Variants in FREM1 observed in about 807,000 individuals in gnomAD.
FREM1 encodes FRAS1 related extracellular matrix 1, also known as FRAS1-related extracellular matrix protein 1.
Under a neutral mutation model 210.1 loss-of-function variants are expected in FREM1, and 220 were observed. That is an observed-to-expected ratio of 1.05 (90% CI 0.94 to 1.17). FREM1 has a LOEUF of 1.17. FREM1 is among the 50% of genes most tolerant of loss of function. The pLI is 0.00. For missense variants in FREM1, 3,454 were observed against 2,675.5 expected (o/e 1.29, Z -6.42); for synonymous variants, 1,189 against 980.2 (o/e 1.21, Z -3.98).
chr9:14,768,434 C>T (rs1483302036), intron 27 of FREM1, among the ~76,000 whole-genome samples: 4 of 150,974 alleles, frequency 2.6e-5, no homozygotes, highest in African/African-American at 9.8e-5. Context: ...TTGTCTTAGG[C>T]AAAGACAGTT....
intron 3 of FREM1, among the ~76,000 whole-genome samples, chr9:14,860,762 C>CACATATAT (rs1829859997): frequency 2.4e-5 from 2 of 83,084 alleles, no homozygotes; most frequent in African/African-American, 1.2e-4. Flanking sequence ...CATATATATG[C>CACATATAT]ACATATATAC....
At chr9:14,772,786 G>A (rs1847820349) in intron 25 of FREM1, among the ~76,000 whole-genome samples, 1 of 152,182 alleles carries the variant, frequency 6.6e-6, no homozygotes, top group South Asian at 2.1e-4. Context: ...AGTGGAAGAA[G>A]AGGAAAATTA....
intron 8 of FREM1, 147 bp downstream of exon 8, chr9:14,845,813 T>C: frequency 1.3e-6 from 1 of 784,866 alleles, no homozygotes; most frequent in Non-Finnish European, 2.1e-6. Flanking sequence ...CAAAAGTCAA[T>C]GATTTCAAGA....
chr9:14,821,607 A>G (rs1175654209), intron 13 of FREM1, among the ~76,000 whole-genome samples: 1 of 152,226 alleles, frequency 6.6e-6, no homozygotes, highest in African/African-American at 2.4e-5. Context: ...GGTCCCTGAT[A>G]GGAAAGGTGT....
At chr9:14,848,827 T>C (rs1827151386) in intron 6 of FREM1, 54 bp from the exon 7 acceptor site, 2 of 1,100,344 alleles carry the variant, frequency 1.8e-6, no homozygotes, top group African/African-American at 1.5e-5. Flanking sequence ...CAGGGTAAAG[T>C]AGCATTAATT....
intron 1 of FREM1, among the ~76,000 whole-genome samples, chr9:14,870,628 A>G (rs1341328632): frequency 2.0e-5 from 3 of 151,966 alleles, no homozygotes; most frequent in Non-Finnish European, 2.9e-5. Context: ...TATCAATTTA[A>G]TATGGTTTCT....
chr9:14,909,652 G>A (rs902085476), intron 1 of FREM1, among the ~76,000 whole-genome samples: 3 of 152,218 alleles, frequency 2.0e-5, no homozygotes, highest in African/African-American at 7.2e-5. Context: ...TCATTGGCAA[G>A]TGCCAGCACG....
rs547695633 is a variant in FREM1, at chr9:14,796,114, T to G, written c.3839+1384A>C. 3.3e-5 allele frequency among the ~76,000 whole-genome samples: 5 copies of G among 152,330 alleles called. No individual in the cohort carries two copies. In the South Asian group the frequency reaches 1.0e-3, roughly 32 times the overall value. On this transcript the variant is annotated intron_variant, in intron 21 of 36. Transcript: ENST00000380880. ...AATCTATCATCAGTATTTCCCATAATGCTTTTTAAGAACCTTATCAGTGGC... is the reference window on the plus strand; with the variant it reads ...AATCTATCATCAGTATTTCCCATAAGGCTTTTTAAGAACCTTATCAGTGGC...
chr9:14,824,694 G>A, intron 11 of FREM1, 102 bp downstream of exon 11: 3 of 771,012 alleles, frequency 3.9e-6, no homozygotes, highest in Non-Finnish European at 6.3e-6. Context: ...GACCAATGGA[G>A]CAAGTAAACC....
At chr9:14,757,104 T>C (rs747728398) in intron 28 of FREM1, among the ~76,000 whole-genome samples, 4 of 152,112 alleles carry the variant, frequency 2.6e-5, no homozygotes, top group African/African-American at 9.7e-5. Context: ...GGTAGGTGTT[T>C]TAAAACAACA....
intron 10 of FREM1, among the ~76,000 whole-genome samples, chr9:14,839,395 G>T (rs573614556): frequency 6.6e-6 from 1 of 152,238 alleles, no homozygotes; most frequent in Admixed American, 6.5e-5. Flanking sequence ...AAAGATGTCA[G>T]ATAGAGAGGT....
chr9:14,746,098 CTCAG>C (rs576323270), intron 35 of FREM1, among the ~76,000 whole-genome samples: 163 of 152,174 alleles, frequency 1.1e-3, no homozygotes, highest in Non-Finnish European at 1.7e-3. Context: ...CAGAAAAGAG[CTCAG>C]TCAAATATTA....
intron 30 of FREM1, 49 bp from the exon 31 acceptor site, chr9:14,748,688 A>G: frequency 8.3e-7 from 1 of 1,197,698 alleles, no homozygotes; most frequent in Non-Finnish European, 1.2e-6. Flanking sequence ...ACACAAACAG[A>G]TAAGGTATCA....
intron 1 of FREM1, among the ~76,000 whole-genome samples, chr9:14,870,816 C>A (rs1221501044): frequency 1.2e-4 from 16 of 134,856 alleles, no homozygotes; most frequent in African/African-American, 4.1e-4. Context: ...CCCCCGACCC[C>A]ACAACAGTCC....
At chr9:14,840,635 C>G (rs143722610) in intron 10 of FREM1, among the ~76,000 whole-genome samples, 2 of 152,184 alleles carry the variant, frequency 1.3e-5, no homozygotes, top group Non-Finnish European at 2.9e-5. Context: ...TCCCATGACA[C>G]GTGGGAATTG....
At position 14,801,751 on chromosome 9, in the gene FREM1, T is replaced by G. The variant is rs779230208; in HGVS notation, c.3595A>C (p.Arg1199=). 13 of 1,613,920 alleles carry G rather than the reference T, an allele frequency of 8.1e-6. No individual in the cohort carries two copies. The highest frequency in any genetic ancestry group is 9.3e-6 in the Non-Finnish European group (11 of 1,179,856). ...TCAGAGAAGTCTTTGCTAAACCCCC[T>G]ATCGATGAGGAGGCCATGGCGTGGC... ...QKPRHGLLID[R]GFSKDFSENK... Residue 1199 remains arginine, a synonymous_variant, in exon 20 of 37, where the codon AGG becomes CGG. Transcript: ENST00000380880.
intron 1 of FREM1, among the ~76,000 whole-genome samples, chr9:14,909,530 G>T (rs916260607): frequency 6.6e-6 from 1 of 152,202 alleles, no homozygotes; most frequent in African/African-American, 2.4e-5. Flanking sequence ...GTACCATGAG[G>T]ATATTATCTG....
At chr9:14,856,823 G>A (rs948435316) in intron 5 of FREM1, among the ~76,000 whole-genome samples, 23 of 139,964 alleles carry the variant, frequency 1.6e-4, no homozygotes, top group African/African-American at 3.1e-4. Context: ...GCGACAGAGC[G>A]AGACTCCGTC....
At position 14,775,772 on chromosome 9, in the gene FREM1, G is replaced by T; in HGVS notation, c.4857+17C>A. 1.5e-6 allele frequency: 2 copies of T among 1,358,410 alleles called. No homozygotes were observed. The highest frequency in any genetic ancestry group is 2.1e-6 in the Non-Finnish European group (2 of 957,114). 84.1% of individuals were successfully genotyped at this position (1,358,410 alleles called of 1,614,324 possible). On this transcript the variant is annotated intron_variant, in intron 25 of 36. Coordinates refer to ENST00000380880, the MANE Select transcript of FREM1 (RefSeq NM_001379081.2). Reference sequence around the variant, plus strand: ...TTTTCACATCTCTGGCAAATGAACTGTGTTTTTCATACTTGCCTGAATGGT... The same window carrying T: ...TTTTCACATCTCTGGCAAATGAACTTTGTTTTTCATACTTGCCTGAATGGT...
Sources: allele counts gnomAD v4.1 joint callset (sites outside exome capture counted in the v4.1 genomes callset), GRCh38; gene constraint gnomAD v4.1.1; transcripts MANE v1.5; gene names NCBI Gene and HGNC (gene_info 2026-07-23, HGNC 2026-07-21).